Variants in PCID2 observed in about 807,000 individuals in gnomAD.
The protein encoded by PCID2 is PCI domain containing 2.
In PCID2, 41 loss-of-function variants were observed where a neutral mutation model predicts 61.3. That is an observed-to-expected ratio of 0.67 (90% CI 0.52 to 0.87). The LOEUF is 0.87. PCID2 is among the 40% of genes least tolerant of loss of function. The probability of loss-of-function intolerance (pLI) is 0.00; values close to 1 mark genes in which losing one functional copy is unlikely to be tolerated. For synonymous variants in PCID2, 187 were observed against 177.8 expected (o/e 1.05, Z -0.41); for missense variants, 392 against 493.4 (o/e 0.79, Z 1.95).
intron 9 of PCID2, among the ~76,000 whole-genome samples, chr13:113,183,006 A>G (rs1374248125): frequency 3.3e-5 from 5 of 152,262 alleles, no homozygotes; most frequent in Non-Finnish European, 7.3e-5. Context: ...ATCACAGGAA[A>G]GAAAATCACC....
intron 1 of PCID2, among the ~76,000 whole-genome samples, chr13:113,203,173 G>A (rs2039557723): frequency 6.6e-6 from 1 of 152,246 alleles, no homozygotes; most frequent in African/African-American, 2.4e-5. Flanking sequence ...TGGGATTTGG[G>A]TTGGAGGTGT....
Position 113,179,643 on chromosome 13 carries a change from C to T in PCID2, c.986+274G>A, listed in dbSNP as rs9324223. On this transcript the variant is annotated intron_variant, in intron 12 of 13. Coordinates refer to ENST00000337344, the MANE Select transcript of PCID2 (RefSeq NM_001127202.4). The surrounding 1 kb of genome is among the most constrained non-coding windows in gnomAD (Gnocchi z 4.3). ...TGTGTGCTCTGATGAAATGTGGTAC[C>T]GCGGCTCTCAGGGCTGATGTTCTCA... Among the ~76,000 whole-genome samples, 950 of 152,212 alleles carry T rather than the reference C, an allele frequency of 6.2e-3. 9 individuals are homozygous for T. The highest frequency in any genetic ancestry group is 0.022 in the African/African-American group (912 of 41,548).
At chr13:113,178,584 A>C in intron 13 of PCID2, 1 of 384,104 alleles carries the variant, frequency 2.6e-6, no homozygotes, top group East Asian at 6.1e-5. Context: ...ATACAGTACA[A>C]CAGCTATCTA....
At position 113,179,742 on chromosome 13, in the gene PCID2, G is replaced by A. The variant is rs377751620; in HGVS notation, c.986+175C>T. Among the ~76,000 whole-genome samples, 6 of 152,148 alleles carry A rather than the reference G, an allele frequency of 3.9e-5. No homozygotes were observed. The highest frequency in any genetic ancestry group is 4.8e-5 in the African/African-American group (2 of 41,444). Reference sequence around the variant, plus strand: ...ACAGCTTGTGCTACTCACGTGTCTCGCGCAGGGTCCCCAGGAGGCAGTGGG... The same window carrying A: ...ACAGCTTGTGCTACTCACGTGTCTCACGCAGGGTCCCCAGGAGGCAGTGGG... On this transcript the variant is annotated intron_variant, in intron 12 of 13. Transcript: ENST00000337344. The surrounding 1 kb of genome is among the most constrained non-coding windows in gnomAD (Gnocchi z 4.3).
intron 6 of PCID2, 54 bp from the exon 7 acceptor site, chr13:113,191,029 G>A: frequency 7.3e-7 from 1 of 1,361,948 alleles, no homozygotes; most frequent in South Asian, 1.3e-5. Context: ...ATCTTGCTGT[G>A]TCGTCCAGGC....
At chr13:113,178,437 C>G (rs1018624762) in intron 13 of PCID2, 150 bp from the exon 14 acceptor site, 6 of 573,364 alleles carry the variant, frequency 1.0e-5, no homozygotes, top group Non-Finnish European at 1.6e-5. Context: ...AAAATAAATA[C>G]AATCAACCCT....
chr13:113,183,747 T>G, intron 9 of PCID2: 2 of 984,676 alleles, frequency 2.0e-6, no homozygotes, highest in Non-Finnish European at 2.4e-6. Flanking sequence ...CGATAAAAAT[T>G]ACAAAAAGAA....
intron 9 of PCID2, chr13:113,183,817 T>G (rs902578084): frequency 1.4e-5 from 14 of 984,848 alleles, no homozygotes; most frequent in South Asian, 4.7e-5. Flanking sequence ...GTGTCAGGTG[T>G]GGCAGCGACA....
rs1325719303 is a variant in PCID2 at position 113,207,053 on chromosome 13, ATCCC to A, written c.36+1542_36+1545del. 3.3e-5 allele frequency among the ~76,000 whole-genome samples: 5 copies of A among 152,318 alleles called. No individual in the cohort carries two copies. The South Asian group carries it at 1.0e-3, about 32-fold the overall frequency. On this transcript the variant is annotated intron_variant, in intron 1 of 13. Transcript: ENST00000337344. ...TGAATTGGAAAAATGACTCTCTCCA[ATCCC>A]TCCCTGAAATACACGAGCTGATGCC...
In PCID2 at chr13:113,179,999, C is replaced by T. The variant is rs570524310; in HGVS notation, c.904G>A (p.Glu302Lys). The T allele has an allele frequency of 1.2e-5, 19 of 1,614,116 alleles. No homozygotes were observed. Among genetic ancestry groups the T allele is most frequent in the African/African-American group, 2.7e-5 (2 of 75,028 alleles). The stretch of plus-strand genomic sequence containing the variant: ...ATTCCGCAGCGAATGAAGAAGGCCT[C>T]GTGCTTCGCCAGCGCCTCGTGCAGC... ...LLLHEALAKH[E>K]AFFIRCGIFL... The change falls in exon 12 of 14, where the codon GAG (glutamate) becomes AAG (lysine). Residue 302 changes from glutamate to lysine, a missense_variant. Around this residue, in one of 3 missense-constraint regions of PCID2, gnomAD observed 226 missense variants for 296.5 expected, o/e 0.76. Coordinates refer to ENST00000337344, the MANE Select transcript of PCID2 (RefSeq NM_001127202.4). This position sits in a 1 kb window ranked among gnomAD's most constrained non-coding sequence, Gnocchi z 4.3.
At chr13:113,190,515 G>GA (rs2038523300) in intron 7 of PCID2, among the ~76,000 whole-genome samples, 2 of 152,146 alleles carry the variant, frequency 1.3e-5, no homozygotes, top group South Asian at 2.1e-4. Flanking sequence ...AAAAAATAAC[G>GA]AGAGTTTCAG....
chr13:113,197,298 G>A lies in PCID2; in HGVS notation c.201-55C>T, dbSNP rs996245871. 4.8e-6 allele frequency: 6 copies of A among 1,259,886 alleles called. No individual in the cohort carries two copies. In the African/African-American group the frequency reaches 7.4e-5, roughly 15 times the overall value. 78.0% of individuals were successfully genotyped at this position (1,259,886 alleles called of 1,614,324 possible). On this transcript the variant is annotated intron_variant, in intron 3 of 13. Coordinates refer to ENST00000337344, the MANE Select transcript of PCID2 (RefSeq NM_001127202.4). The stretch of plus-strand genomic sequence containing the variant: ...ACAATAAAAACCTAGCACTAGTTAT[G>A]CAGCCCACACAGCTCACTTCATTGC...
intron 1 of PCID2, among the ~76,000 whole-genome samples, chr13:113,206,847 G>T (rs1349816774): frequency 6.6e-6 from 1 of 152,146 alleles, no homozygotes; most frequent in Non-Finnish European, 1.5e-5. Context: ...TCCATCCTGG[G>T]CCCAGCCCCT....
intron 13 of PCID2, chr13:113,178,592 C>T (rs994986360): frequency 1.1e-5 from 4 of 370,540 alleles, no homozygotes; most frequent in African/African-American, 2.1e-5. Context: ...CAACAGCTAT[C>T]TACAGTGCAC....
rs754190767 is a variant in PCID2 at position 113,197,256 on chromosome 13, C to G, written c.201-13G>C. ...TGCATAAGTGCACCTGGAGGAGAAA[C>G]AGAAACATGCTGTCACACAATAAAA... On this transcript the variant is annotated splice_polypyrimidine_tract_variant and intron_variant, in intron 3 of 13. Transcript: ENST00000337344. The G allele has an allele frequency of 1.3e-6, 2 of 1,571,670 alleles. No individual in the cohort carries two copies. Among genetic ancestry groups the G allele is most frequent in the African/African-American group, 2.7e-5 (2 of 73,970 alleles).
At chr13:113,180,618 C>T (rs1381529698) in intron 10 of PCID2, among the ~76,000 whole-genome samples, 1 of 152,228 alleles carries the variant, frequency 6.6e-6, no homozygotes, top group Non-Finnish European at 1.5e-5. Context: ...GTGAGGAGGG[C>T]AAGGCCACAG....
intron 1 of PCID2, chr13:113,207,987 C>T (rs763242851): frequency 1.3e-6 from 2 of 1,565,486 alleles, no homozygotes; most frequent in Non-Finnish European, 1.8e-6. Flanking sequence ...TGAATCTTTA[C>T]AAGTGTCCAT....
intron 8 of PCID2, among the ~76,000 whole-genome samples, chr13:113,185,112 CTACG>C (rs1595175121): frequency 6.6e-6 from 1 of 152,250 alleles, no homozygotes; most frequent in African/African-American, 2.4e-5. Flanking sequence ...ATCTATCCAT[CTACG>C]TGCCTGCTTT....
downstream of PCID2, among the ~76,000 whole-genome samples, chr13:113,176,253 A>G (rs4907489): frequency 0.92 from 140,255 of 152,332 alleles, 65,653 homozygotes; most frequent in East Asian, 1. Context: ...GAGCTCTTAT[A>G]GTTTGTGTTC....
Sources: gnomAD v4.1 joint callset for allele counts (sites outside exome capture counted in the v4.1 genomes callset) on GRCh38, gnomAD v4.1.1 for gene constraint, gnomAD v4.1.1 regional missense constraint, Gnocchi (gnomAD v3.1) non-coding constraint, MANE v1.5 for transcripts, NCBI Gene and HGNC (gene_info 2026-07-23, HGNC 2026-07-21) for gene names.